The following PIK3R3 variants were observed in gnomAD, a reference collection of about 807,000 sequenced individuals.
The protein encoded by PIK3R3 is phosphoinositide-3-kinase regulatory subunit 3, also known as phosphatidylinositol 3-kinase regulatory subunit gamma.
Under a neutral mutation model 62.9 loss-of-function variants are expected in PIK3R3, and 64 were observed. The ratio of observed to expected loss-of-function variants is 1.02; its 90% confidence interval spans 0.83 to 1.25. The LOEUF (loss-of-function observed/expected upper bound fraction) is 1.25, where lower values mean the gene tolerates loss of function less well. Among genes scored for constraint, PIK3R3 ranks in the 50% most tolerant of loss-of-function variants. The pLI, the probability that PIK3R3 is intolerant of heterozygous loss-of-function variation, is 0.00. For synonymous variants in PIK3R3, 165 were observed against 189.0 expected (o/e 0.87, Z 1.04); for missense variants, 614 against 561.6 (o/e 1.09, Z -0.94).
Position 46,055,789 on chromosome 1 carries a change from A to G in PIK3R3, c.941+6T>C. ...CTCCCTCCCCATACACTCCCAGACT[A>G]CTTACACAAGGTGTTGATCTCGGAT... On this transcript the variant is annotated splice_donor_region_variant and intron_variant, in intron 7 of 9. Transcript: ENST00000262741. 2 of 1,575,220 alleles carry G rather than the reference A, an allele frequency of 1.3e-6. No individual in the cohort carries two copies. Among genetic ancestry groups the G allele is most frequent in the Non-Finnish European group, 8.6e-7 (1 of 1,161,066 alleles).
chr1:46,144,692 C>T, the PIK3R3 span, among the ~76,000 whole-genome samples: 5 of 146,246 alleles, frequency 3.4e-5, no homozygotes, highest in Admixed American at 6.9e-5. Context: ...CACTTGAACC[C>T]GGGAGGTAGA....
chr1:46,066,871 T>C, intron 4 of PIK3R3, 40 bp downstream of exon 4: 1 of 1,450,998 alleles, frequency 6.9e-7, no homozygotes. Context: ...TGTTAAATAA[T>C]CACTTGCTCA....
chr1:46,061,755 A>G (rs935988566), intron 6 of PIK3R3, among the ~76,000 whole-genome samples, 174 bp downstream of exon 6: 1 of 152,232 alleles, frequency 6.6e-6, no homozygotes, highest in African/African-American at 2.4e-5. Flanking sequence ...GGGAGAATGA[A>G]CAAAGAGCAG....
At chr1:46,103,229 G>T (rs1652877969) in intron 1 of PIK3R3, among the ~76,000 whole-genome samples, 1 of 152,152 alleles carries the variant, frequency 6.6e-6, no homozygotes, top group South Asian at 2.1e-4. Flanking sequence ...GAAATCTGGA[G>T]ATCTGCTTCA....
the PIK3R3 span, among the ~76,000 whole-genome samples, chr1:46,170,864 ATGTCCATTTCAAGGATATTCTAATTT>A: frequency 6.6e-6 from 1 of 152,222 alleles, no homozygotes; most frequent in African/African-American, 2.4e-5. Flanking sequence ...ATTTCTCAAG[ATGTCCATTTCAAGGATATTCTAATTT>A]TGTCATCTGG....
rs888674937 is a variant in PIK3R3 at position 46,073,127 on chromosome 1, C to G, written c.314+4388G>C. The stretch of plus-strand genomic sequence containing the variant: ...AGGTGGGAAGGGAGAAGAAAATAGA[C>G]AGTGAGCTGCCCATACAGTGAATTA... On this transcript the variant is annotated intron_variant, in intron 3 of 9. Coordinates refer to ENST00000262741, the MANE Select transcript of PIK3R3 (RefSeq NM_003629.4). 2.6e-5 allele frequency among the ~76,000 whole-genome samples: 4 copies of G among 152,142 alleles called. No individual in the cohort carries two copies. In the South Asian group the frequency reaches 6.2e-4, roughly 24 times the overall value.
chr1:46,101,442 T>G (rs112468207), intron 1 of PIK3R3, among the ~76,000 whole-genome samples: 1 of 151,858 alleles, frequency 6.6e-6, no homozygotes, highest in Admixed American at 6.6e-5. Flanking sequence ...GAGGCGGAGG[T>G]TGCAGTGAGC....
At chr1:46,091,377 G>A (rs1463595633) in intron 1 of PIK3R3, among the ~76,000 whole-genome samples, 1 of 151,918 alleles carries the variant, frequency 6.6e-6, no homozygotes, top group African/African-American at 2.4e-5. Flanking sequence ...CTGACCTGAG[G>A]TGATCCACCT....
At chr1:46,165,912 A>G in the PIK3R3 span, among the ~76,000 whole-genome samples, 3 of 150,766 alleles carry the variant, frequency 2.0e-5, no homozygotes, top group Non-Finnish European at 4.4e-5. Context: ...CTGGGACTAC[A>G]GGCGCCCGCC....
intron 7 of PIK3R3, 34 bp downstream of exon 7, chr1:46,055,761 C>T (rs1488494640): frequency 6.3e-6 from 9 of 1,438,398 alleles, no homozygotes; most frequent in Non-Finnish European, 8.5e-6. Flanking sequence ...CTGGCACTAA[C>T]GTCTCCCTCC....
chr1:46,127,370 T>C (rs1185853259), intron 1 of PIK3R3, among the ~76,000 whole-genome samples: 1 of 146,284 alleles, frequency 6.8e-6, no homozygotes, highest in Non-Finnish European at 1.5e-5. Context: ...TATATATATA[T>C]ACATAATTTC....
intron 1 of PIK3R3, among the ~76,000 whole-genome samples, chr1:46,126,136 T>C (rs941866868): frequency 9.2e-5 from 14 of 152,180 alleles, no homozygotes; most frequent in Non-Finnish European, 1.8e-4. Flanking sequence ...AAGATACTAT[T>C]GGCCATTTTC....
chr1:46,171,361 G>C, the PIK3R3 span, among the ~76,000 whole-genome samples: 6 of 152,212 alleles, frequency 3.9e-5, no homozygotes, highest in African/African-American at 1.4e-4. Context: ...GGTCCAGGGA[G>C]AGAAAGTTTT....
chr1:46,121,710 G>A (rs1654696908), intron 1 of PIK3R3, among the ~76,000 whole-genome samples: 2 of 152,172 alleles, frequency 1.3e-5, no homozygotes, highest in South Asian at 4.2e-4. Flanking sequence ...ACAGTTGCAT[G>A]CTCTGGATTT....
At chr1:46,113,297 ATTTTT>A (rs35565437) in intron 1 of PIK3R3, among the ~76,000 whole-genome samples, 2 of 126,902 alleles carry the variant, frequency 1.6e-5, no homozygotes, top group African/African-American at 3.1e-5. Flanking sequence ...CTATCTCTCA[ATTTTT>A]TTTTTTTTTT....
At chr1:46,053,359 C>T (rs1252364938) in intron 7 of PIK3R3, among the ~76,000 whole-genome samples, 1 of 151,992 alleles carries the variant, frequency 6.6e-6, no homozygotes, top group Non-Finnish European at 1.5e-5. Context: ...GTTTATACAA[C>T]CCATTAAAGA....
chr1:46,127,207 T>TGGC lies in PIK3R3; in HGVS notation c.106+4637_106+4639dup, dbSNP rs759300043. 1.5e-3 allele frequency among the ~76,000 whole-genome samples: 231 copies of TGGC among 151,962 alleles called. 2 individuals carry two copies. Among genetic ancestry groups the TGGC allele is most frequent in the Non-Finnish European group, 1.9e-3 (127 of 67,944 alleles). On this transcript the variant is annotated intron_variant, in intron 1 of 9. Coordinates refer to ENST00000262741, the MANE Select transcript of PIK3R3 (RefSeq NM_003629.4). ...TTTTTAAAACATTAGCTGGGTGTGG[T>TGGC]GGCAAGCACCTACAGTCCCATCTCC...
intron 1 of PIK3R3, among the ~76,000 whole-genome samples, chr1:46,091,647 A>T (rs1217949910): frequency 6.6e-6 from 1 of 152,184 alleles, no homozygotes; most frequent in East Asian, 1.9e-4. Context: ...CACTCTTCTG[A>T]ATTCTATGGC....
At position 46,094,565 on chromosome 1, in the gene PIK3R3, AC is replaced by A. The variant is rs376017406; in HGVS notation, c.107-13816del. ...GTTCATTTTAAAAGACAATGATTAA[AC>A]AAAATTTCCCCCCAGCATCAGTGAG... is the stretch of plus-strand genomic sequence containing the variant. On this transcript the variant is annotated intron_variant, in intron 1 of 9. Transcript: ENST00000262741. 5.5e-4 allele frequency among the ~76,000 whole-genome samples: 84 copies of A among 152,370 alleles called. No individual in the cohort carries two copies. In the East Asian group the frequency reaches 0.013, roughly 24 times the overall value.
Sources: allele counts gnomAD v4.1 joint callset (sites outside exome capture counted in the v4.1 genomes callset), GRCh38; gene constraint gnomAD v4.1.1; transcripts MANE v1.5; gene names NCBI Gene and HGNC (gene_info 2026-07-23, HGNC 2026-07-21).